GTSE1: variants seen among roughly 807,000 people sequenced by gnomAD.
GTSE1 encodes the protein G2 and S-phase expressed 1, also known as G2 and S phase-expressed protein 1.
In GTSE1, 52 loss-of-function variants were observed where a neutral mutation model predicts 60.5. That is an observed-to-expected ratio of 0.86 (90% CI 0.69 to 1.08). The LOEUF is 1.08. Ranked by LOEUF, GTSE1 falls within the 50% of genes least tolerant of loss-of-function variation. GTSE1 has a pLI of 0.00. For synonymous variants in GTSE1, 368 were observed against 386.5 expected (o/e 0.95, Z 0.56); for missense variants, 937 against 961.8 (o/e 0.97, Z 0.34).
rs1324991128 is a variant in GTSE1 at position 46,310,654 on chromosome 22, C to T, written c.763-1487C>T. On this transcript the variant is annotated intron_variant, in intron 4 of 11. Coordinates refer to ENST00000454366, the MANE Select transcript of GTSE1 (RefSeq NM_016426.7). The surrounding 1 kb of genome is among the most constrained non-coding windows in gnomAD (Gnocchi z 4.4). ...GGCAATAAAAAGAAACACTACTGGG[C>T]GTGGTAGCTCACACCTGTGATCACA... is the stretch of plus-strand genomic sequence containing the variant. Among the ~76,000 whole-genome samples the T allele has an allele frequency of 2.0e-5, 3 of 152,172 alleles. No individual in the cohort carries two copies. The highest frequency in any genetic ancestry group is 7.2e-5 in the African/African-American group (3 of 41,426).
chr22:46,306,784 G>A (rs927971784), intron 2 of GTSE1, among the ~76,000 whole-genome samples: 4 of 152,134 alleles, frequency 2.6e-5, no homozygotes, highest in Admixed American at 6.5e-5. Flanking sequence ...CACCTTGCCC[G>A]GCCTTCATTG....
rs558547945 is a variant in GTSE1, at chr22:46,299,894, G to A, written c.79+2415G>A. Among the ~76,000 whole-genome samples the A allele has an allele frequency of 6.7e-5, 10 of 149,722 alleles. No homozygotes were observed. In the South Asian group the frequency reaches 2.1e-3, roughly 32 times the overall value. ...TGCAACCTCCGCCTCTTGGGTTCAA[G>A]CAATTCTCCTGCCTCAGCCTCCTGA... On this transcript the variant is annotated intron_variant, in intron 2 of 11. Transcript: ENST00000454366.
At position 46,320,018 on chromosome 22, in the gene GTSE1, T is replaced by C. The variant is rs541098294; in HGVS notation, c.1433-3172T>C. Among the ~76,000 whole-genome samples, 1 of 149,614 alleles carries C rather than the reference T, an allele frequency of 6.7e-6. No homozygotes were observed. The highest frequency in any genetic ancestry group is 1.5e-5 in the Non-Finnish European group (1 of 67,510). On this transcript the variant is annotated intron_variant, in intron 7 of 11. Coordinates refer to ENST00000454366, the MANE Select transcript of GTSE1 (RefSeq NM_016426.7). This position sits in a 1 kb window ranked among gnomAD's most constrained non-coding sequence, Gnocchi z 7.1. ...AAAAGAAAGAAAGAAAGAAAAGAAA[T>C]GCGAGCTGTGATTGGGTGGGTTCTG...
Position 46,323,268 on chromosome 22 carries a change from T to C in GTSE1, c.1505+6T>C. The C allele has an allele frequency of 6.2e-7, 1 of 1,609,136 alleles. No homozygotes were observed. Among genetic ancestry groups the C allele is most frequent in the Non-Finnish European group, 8.5e-7 (1 of 1,175,564 alleles). ...TCGTGCACGTCAGTTGGCAGGTGAG[T>C]GACGTTGGTCCGCTTCCTCTCTTTA... On this transcript the variant is annotated splice_donor_region_variant and intron_variant, in intron 8 of 11. Coordinates refer to ENST00000454366, the MANE Select transcript of GTSE1 (RefSeq NM_016426.7).
At position 46,300,544 on chromosome 22, in the gene GTSE1, C is replaced by G. The variant is rs561267555; in HGVS notation, c.79+3065C>G. ...CCACTCTGACTTCTGACCCGTTCCT[C>G]TCACACACGCTTTGATATTTTCTCA... On this transcript the variant is annotated intron_variant, in intron 2 of 11. Transcript: ENST00000454366. Among the ~76,000 whole-genome samples the G allele has an allele frequency of 2.0e-5, 3 of 152,348 alleles. No individual in the cohort carries two copies. The South Asian group carries it at 6.2e-4, about 32-fold the overall frequency.
In GTSE1 at chr22:46,319,963, C is replaced by T. The variant is rs535146175; in HGVS notation, c.1433-3227C>T. 1.2e-3 allele frequency among the ~76,000 whole-genome samples: 181 copies of T among 145,812 alleles called. 1 individual carries two copies. The highest frequency in any genetic ancestry group is 4.3e-3 in the African/African-American group (164 of 38,576). ...TGGTGTCACTGCACTCCAGCCTGGG[C>T]GACAGAACGAGACTGTCTCAAAAAA... is the stretch of plus-strand genomic sequence containing the variant. On this transcript the variant is annotated intron_variant, in intron 7 of 11. Coordinates refer to ENST00000454366, the MANE Select transcript of GTSE1 (RefSeq NM_016426.7). This position sits in a 1 kb window ranked among gnomAD's most constrained non-coding sequence, Gnocchi z 5.0.
In GTSE1 at chr22:46,321,608, G is replaced by A. The variant is rs2077813096; in HGVS notation, c.1433-1582G>A. Among the ~76,000 whole-genome samples the A allele has an allele frequency of 2.6e-5, 4 of 152,202 alleles. No individual in the cohort carries two copies. The South Asian group carries it at 6.2e-4, about 24-fold the overall frequency. On this transcript the variant is annotated intron_variant, in intron 7 of 11. Coordinates refer to ENST00000454366, the MANE Select transcript of GTSE1 (RefSeq NM_016426.7). This position sits in a 1 kb window ranked among gnomAD's most constrained non-coding sequence, Gnocchi z 4.0. ...AACAAACGGAGTTTCTGAAGAATGC[G>A]GAGGTAGCAATGTGGGTGCGTGATT... is the stretch of plus-strand genomic sequence containing the variant.
In GTSE1 at chr22:46,309,919, G is replaced by A. The variant is rs2077739014; in HGVS notation, c.762+976G>A. Among the ~76,000 whole-genome samples, 1 of 152,214 alleles carries A rather than the reference G, an allele frequency of 6.6e-6. No homozygotes were observed. The highest frequency in any genetic ancestry group is 1.5e-5 in the Non-Finnish European group (1 of 68,046). ...CACACGTGGACTCGGGACAGGGATTGTGCATGTAGCACGCGTGGACTCGGG... is the reference window on the plus strand; with the variant it reads ...CACACGTGGACTCGGGACAGGGATTATGCATGTAGCACGCGTGGACTCGGG... On this transcript the variant is annotated intron_variant, in intron 4 of 11. Coordinates refer to ENST00000454366, the MANE Select transcript of GTSE1 (RefSeq NM_016426.7). This position sits in a 1 kb window ranked among gnomAD's most constrained non-coding sequence, Gnocchi z 6.2.
chr22:46,300,673 G>T (rs923634343), intron 2 of GTSE1, among the ~76,000 whole-genome samples: 6 of 152,308 alleles, frequency 3.9e-5, no homozygotes, highest in Admixed American at 1.3e-4. Context: ...GAAGGATGTG[G>T]TCTGTTGTGG....
At position 46,316,019 on chromosome 22, in the gene GTSE1, G is replaced by T; in HGVS notation, c.1052-13G>T. The T allele has an allele frequency of 6.7e-7, 1 of 1,489,442 alleles. No homozygotes were observed. Among genetic ancestry groups the T allele is most frequent in the Non-Finnish European group, 8.9e-7 (1 of 1,119,926 alleles). The allele number at this position is 1,489,442 out of a possible 1,614,324, so 92.3% of individuals were successfully genotyped here. A position where few individuals can be genotyped will look rare whatever the true frequency, so the allele number is the denominator to read the frequency against. On this transcript the variant is annotated splice_polypyrimidine_tract_variant and intron_variant, in intron 6 of 11. Coordinates refer to ENST00000454366, the MANE Select transcript of GTSE1 (RefSeq NM_016426.7). The surrounding 1 kb of genome is among the most constrained non-coding windows in gnomAD (Gnocchi z 5.0). Reference sequence around the variant, plus strand: ...TTTTATAATAATGTGATTTTTGTGTGTATACCTTCTAGCTAAATCAAGTGA... The same window carrying T: ...TTTTATAATAATGTGATTTTTGTGTTTATACCTTCTAGCTAAATCAAGTGA...
At chr22:46,298,616 C>A (rs891370322) in intron 2 of GTSE1, among the ~76,000 whole-genome samples, 7 of 152,202 alleles carry the variant, frequency 4.6e-5, no homozygotes, top group African/African-American at 1.7e-4. Context: ...CCCCAAGCAT[C>A]CTCAATGCCT....
rs150583872 is a variant in GTSE1 at position 46,328,744 on chromosome 22, C to G, written c.1781C>G (p.Ser594Cys). 3.7e-6 allele frequency: 6 copies of G among 1,613,750 alleles called. No homozygotes were observed. The African/African-American group carries it at 5.3e-5, about 14-fold the overall frequency. Reference sequence around the variant, plus strand: ...ACAGATTCCAGGCTGGTGGATGTGTCCCCTGACAGGGGTTCTCCTCCTTCC... The same window carrying G: ...ACAGATTCCAGGCTGGTGGATGTGTGCCCTGACAGGGGTTCTCCTCCTTCC... ...RKTDSRLVDV[S>C]PDRGSPPSRV... is the part of the protein sequence containing the mutation. The change falls in exon 10 of 12, where the codon TCC (serine) becomes TGC (cysteine). Residue 594 changes from serine (S) to cysteine (C), a missense_variant. Transcript: ENST00000454366.
In GTSE1 at chr22:46,321,627, C is replaced by T. The variant is rs1569045168; in HGVS notation, c.1433-1563C>T. Among the ~76,000 whole-genome samples the T allele has an allele frequency of 6.6e-6, 1 of 152,044 alleles. No homozygotes were observed. Among genetic ancestry groups the T allele is most frequent in the African/African-American group, 2.4e-5 (1 of 41,424 alleles). On this transcript the variant is annotated intron_variant, in intron 7 of 11. Coordinates refer to ENST00000454366, the MANE Select transcript of GTSE1 (RefSeq NM_016426.7). This position sits in a 1 kb window ranked among gnomAD's most constrained non-coding sequence, Gnocchi z 4.0. ...GAATGCGGAGGTAGCAATGTGGGTG[C>T]GTGATTTAGAAATGAGTGAAGGGAG...
Position 46,309,077 on chromosome 22 carries a change from C to CA in GTSE1, c.762+135dup. The CA allele has an allele frequency of 9.9e-7, 1 of 1,006,762 alleles. No individual in the cohort carries two copies. The highest frequency in any genetic ancestry group is 1.4e-6 in the Non-Finnish European group (1 of 705,620). The allele number at this position is 1,006,762 out of a possible 1,614,324, so 62.4% of individuals were successfully genotyped here. On this transcript the variant is annotated intron_variant, in intron 4 of 11. Coordinates refer to ENST00000454366, the MANE Select transcript of GTSE1 (RefSeq NM_016426.7). This position sits in a 1 kb window ranked among gnomAD's most constrained non-coding sequence, Gnocchi z 6.2. ...CTACAAAACACAGGAATGCGGAGTC[C>CA]AGGAAAAGCAGTTGCCAATAGGGAG...
rs1392400900 is a variant in GTSE1, at chr22:46,321,821, T to C, written c.1433-1369T>C. Reference sequence around the variant, plus strand: ...CTGGGGCAGTGGCTCACGCCTGTAATCCCAGCACTTTGGGAGGCCGAGGCG... The same window carrying C: ...CTGGGGCAGTGGCTCACGCCTGTAACCCCAGCACTTTGGGAGGCCGAGGCG... On this transcript the variant is annotated intron_variant, in intron 7 of 11. Transcript: ENST00000454366. The surrounding 1 kb of genome is among the most constrained non-coding windows in gnomAD (Gnocchi z 4.0). Among the ~76,000 whole-genome samples the C allele has an allele frequency of 1.3e-5, 2 of 152,086 alleles. No homozygotes were observed. The highest frequency in any genetic ancestry group is 2.9e-5 in the Non-Finnish European group (2 of 68,004).
Position 46,323,475 on chromosome 22 carries a change from G to C in GTSE1, c.1505+213G>C, listed in dbSNP as rs548360067. On this transcript the variant is annotated intron_variant, in intron 8 of 11. Coordinates refer to ENST00000454366, the MANE Select transcript of GTSE1 (RefSeq NM_016426.7). ...GAGACTTCCGCGATGCAGTACGGCA[G>C]CTCCCAGCCCTGGACTGGTGTGGTT... Among the ~76,000 whole-genome samples, 263 of 152,304 alleles carry C rather than the reference G, an allele frequency of 1.7e-3. 3 individuals carry two copies. The highest frequency in any genetic ancestry group is 6.1e-3 in the African/African-American group (255 of 41,566).
At chr22:46,303,924 GTCCT>G (rs1378115247) in intron 2 of GTSE1, among the ~76,000 whole-genome samples, 8 of 152,156 alleles carry the variant, frequency 5.3e-5, no homozygotes, top group Non-Finnish European at 1.0e-4. Flanking sequence ...ATCAGTTGGG[GTCCT>G]GGAGTGAGGA....
At chr22:46,322,471 A>G (rs2077819016) in intron 7 of GTSE1, among the ~76,000 whole-genome samples, 1 of 152,152 alleles carries the variant, frequency 6.6e-6, no homozygotes, top group Non-Finnish European at 1.5e-5. Context: ...CCCAGAGCAC[A>G]TGTGCTGATA....
Position 46,318,724 on chromosome 22 carries a change from G to A in GTSE1, c.1432+2312G>A, listed in dbSNP as rs1390073770. Among the ~76,000 whole-genome samples the A allele has an allele frequency of 1.3e-5, 2 of 152,120 alleles. No homozygotes were observed. The highest frequency in any genetic ancestry group is 2.1e-4 in the South Asian group (1 of 4,828). On this transcript the variant is annotated intron_variant, in intron 7 of 11. Transcript: ENST00000454366. This position sits in a 1 kb window ranked among gnomAD's most constrained non-coding sequence, Gnocchi z 4.8. ...GTCCTGGGGCAGGAAGGCGTGGGAC[G>A]TGCTCTGGGAGCAGCATGGGGGCCG... is the stretch of plus-strand genomic sequence containing the variant.
Sources: allele counts gnomAD v4.1 joint callset (sites outside exome capture counted in the v4.1 genomes callset), GRCh38; gene constraint gnomAD v4.1.1; non-coding constraint Gnocchi (gnomAD v3.1); transcripts MANE v1.5; gene names NCBI Gene and HGNC (gene_info 2026-07-23, HGNC 2026-07-21).